Variants in TNXB observed in about 807,000 individuals in gnomAD.
TNXB encodes tenascin-X.
Under a neutral mutation model 340.5 loss-of-function variants are expected in TNXB, and 183 were observed. That is an observed-to-expected ratio of 0.54 (90% CI 0.48 to 0.61). The LOEUF (loss-of-function observed/expected upper bound fraction) is 0.61, where lower values mean the gene tolerates loss of function less well. Ranked by LOEUF, TNXB falls within the 20% of genes least tolerant of loss-of-function variation. The pLI is 0.00. For missense variants in TNXB, 4,613 were observed against 5,446.4 expected, an observed-to-expected ratio of 0.85 and a Z score of 4.82; for synonymous variants, 2,121 against 2,314.5, an observed-to-expected ratio of 0.92 and a Z score of 2.40.
chr6:32,093,378 G>C, intron 4 of TNXB: 1 of 702,156 alleles, frequency 1.4e-6, no homozygotes, highest in Non-Finnish European at 2.6e-6. Flanking sequence ...AAGCTATCTT[G>C]GTTGCGCCAC....
intron 24 of TNXB, among the ~76,000 whole-genome samples, chr6:32,055,109 T>C (rs1777546942): frequency 6.6e-6 from 1 of 152,170 alleles, no homozygotes; most frequent in African/African-American, 2.4e-5. Flanking sequence ...AGATAAGACT[T>C]AGTGAGACGC....
intron 26 of TNXB, among the ~76,000 whole-genome samples, chr6:32,050,925 C>A (rs1256293285): frequency 6.6e-6 from 1 of 152,192 alleles, no homozygotes; most frequent in African/African-American, 2.4e-5. Flanking sequence ...AGATGAGCTT[C>A]ACACAGGCAC....
chr6:32,052,860 G>A lies in TNXB; in HGVS notation c.8925C>T (p.Pro2975=), dbSNP rs1299789494. The part of the protein sequence containing the change: ...PDSLSLSWTI[P]QGRFDSFTVQ... ...CAGTGAAGGAGTCGAAGCGGCCCTGGGGGATGGTCCAGGAGAGGCTCAGCG... is the reference window on the plus strand; with the variant it reads ...CAGTGAAGGAGTCGAAGCGGCCCTGAGGGATGGTCCAGGAGAGGCTCAGCG... The change falls in exon 26 of 44, where the codon CCC becomes CCT. Residue 2975 remains proline, a synonymous_variant. Transcript: ENST00000644971. This position sits in a 1 kb window ranked among gnomAD's most constrained non-coding sequence, Gnocchi z 4.7. 2 of 1,613,236 alleles carry A rather than the reference G, an allele frequency of 1.2e-6. No homozygotes were observed. The highest frequency in any genetic ancestry group is 1.7e-6 in the Non-Finnish European group (2 of 1,179,898).
chr6:32,056,101 C>T lies in TNXB; in HGVS notation c.8217G>A (p.Leu2739=), dbSNP rs765670001. The T allele has an allele frequency of 5.6e-6, 9 of 1,612,708 alleles. No homozygotes were observed. Among genetic ancestry groups the T allele is most frequent in the East Asian group, 2.2e-5 (1 of 44,882 alleles). The change falls in exon 24 of 44, where the codon CTG becomes CTA. Residue 2739 remains leucine, a synonymous_variant. Coordinates refer to ENST00000644971, the MANE Select transcript of TNXB (RefSeq NM_001365276.2). The stretch of plus-strand genomic sequence containing the variant: ...AGGATCCTGTCACTGTCAGCTCCCC[C>T]AGGAGCGGCTCCTCAGGGGGCTCCG... ...EAPEPPEEPL[L]GELTVTGSSP... is the part of the protein sequence containing the mutation.
chr6:32,041,609 C>A, intron 43 of TNXB, 159 bp from the exon 44 acceptor site: 3 of 1,073,896 alleles, frequency 2.8e-6, no homozygotes, highest in East Asian at 2.6e-5. Flanking sequence ...CTGAGCTGGC[C>A]CTTTCCAGCC....
In TNXB at chr6:32,064,857, G is replaced by A. The variant is rs749742731; in HGVS notation, c.6805C>T (p.Gln2269Ter). ...ACAGCAGACACGGGGCCCACGCGCT[G>A]GCCACCGTGGAAGCCGTACAGGTTC... ...KMNLYGFHGG[Q>*]RVGPVSAVGL... The change falls in exon 19 of 44, where the codon CAG (glutamine) becomes TAG (stop). Residue 2269 changes from glutamine to a stop codon, truncating the protein, a stop_gained. Transcript: ENST00000644971. LOFTEE classifies it high-confidence loss of function. The surrounding 1 kb of genome is among the most constrained non-coding windows in gnomAD (Gnocchi z 5.3). 2.4e-5 allele frequency: 39 copies of A among 1,611,306 alleles called. No homozygotes were observed. The highest frequency in any genetic ancestry group is 3.2e-5 in the Non-Finnish European group (38 of 1,179,446).
rs2127248387 is a variant in TNXB at position 32,079,118 on chromosome 6, T to C, written c.4290A>G (p.Leu1430=). The C allele has an allele frequency of 6.2e-7, 1 of 1,613,826 alleles. No individual in the cohort carries two copies. ...GKESEVTVGG[L]EPGHKYKMHL... ...GCATCTTGTACTTGTGCCCGGGCTC[T>C]AGGCCTCCCACGGTGACCTCACTCT... Residue 1430 remains leucine, a synonymous_variant, in exon 11 of 44, where the codon CTA becomes CTG. Coordinates refer to ENST00000644971, the MANE Select transcript of TNXB (RefSeq NM_001365276.2). The surrounding 1 kb of genome is among the most constrained non-coding windows in gnomAD (Gnocchi z 7.1).
Position 32,069,974 on chromosome 6 carries a change from C to A in TNXB, c.5279-113G>T. On this transcript the variant is annotated intron_variant, in intron 14 of 43. Coordinates refer to ENST00000644971, the MANE Select transcript of TNXB (RefSeq NM_001365276.2). This position sits in a 1 kb window ranked among gnomAD's most constrained non-coding sequence, Gnocchi z 6.2. ...AGGGCTTTGCGTGGCTGAGTCCTGC[C>A]GGGCTGTGCTAGGGGCTTGTGCAGG... The A allele has an allele frequency of 7.2e-7, 1 of 1,380,314 alleles. No homozygotes were observed. The highest frequency in any genetic ancestry group is 9.6e-7 in the Non-Finnish European group (1 of 1,039,248). 85.5% of individuals were successfully genotyped at this position (1,380,314 alleles called of 1,614,324 possible).
rs1243239573 is a variant in TNXB, at chr6:32,089,174, A to C, written c.2515+49T>G. 1 of 1,567,946 alleles carries C rather than the reference A, an allele frequency of 6.4e-7. No homozygotes were observed. The highest frequency in any genetic ancestry group is 8.7e-7 in the Non-Finnish European group (1 of 1,156,020). ...CTCCCGGAGGGCAGATTCCCTCTCT[A>C]GTCCAGATCTCCACTCAGGACACCC... On this transcript the variant is annotated intron_variant, in intron 5 of 43. Transcript: ENST00000644971. The surrounding 1 kb of genome is among the most constrained non-coding windows in gnomAD (Gnocchi z 6.2).
chr6:32,056,991 C>G, intron 22 of TNXB, 88 bp from the exon 23 acceptor site: 2 of 1,526,816 alleles, frequency 1.3e-6, no homozygotes, highest in Non-Finnish European at 1.8e-6. Flanking sequence ...ACACAAAGTG[C>G]CCAAGAGCAG....
chr6:32,085,605 T>C lies in TNXB; in HGVS notation c.3148+145A>G. ...TTCCTGCTGAACCTGCAATTCCTTT[T>C]CTCTCCTTTTCTCCTCTATCCAGCC... On this transcript the variant is annotated intron_variant, in intron 7 of 43. Coordinates refer to ENST00000644971, the MANE Select transcript of TNXB (RefSeq NM_001365276.2). This position sits in a 1 kb window ranked among gnomAD's most constrained non-coding sequence, Gnocchi z 6.4. 1 of 927,824 alleles carries C rather than the reference T, an allele frequency of 1.1e-6. No individual in the cohort carries two copies. The highest frequency in any genetic ancestry group is 2.9e-5 in the East Asian group (1 of 33,992). 57.5% of individuals were successfully genotyped at this position (927,824 alleles called of 1,614,324 possible).
intron 1 of TNXB, among the ~76,000 whole-genome samples, chr6:32,098,826 A>C (rs1206020706): frequency 6.6e-6 from 1 of 151,570 alleles, no homozygotes; most frequent in Non-Finnish European, 1.5e-5. Flanking sequence ...AGCTCTCACT[A>C]CTCCAAGGGC....
chr6:32,074,270 C>G lies in TNXB; in HGVS notation c.4376-318G>C, dbSNP rs1055757977. Among the ~76,000 whole-genome samples the G allele has an allele frequency of 6.6e-6, 1 of 152,194 alleles. No homozygotes were observed. Among genetic ancestry groups the G allele is most frequent in the African/African-American group, 2.4e-5 (1 of 41,442 alleles). ...AAACCCCTGACCTCAGGTGATCCAC[C>G]TGCCTCAGCCCCCAAAGTGCTGGGA... On this transcript the variant is annotated intron_variant, in intron 11 of 43. Transcript: ENST00000644971. This position sits in a 1 kb window ranked among gnomAD's most constrained non-coding sequence, Gnocchi z 5.5.
At position 32,046,292 on chromosome 6, in the gene TNXB, C is replaced by G. The variant is rs547169479; in HGVS notation, c.10489G>C (p.Ala3497Pro). Residue 3497 changes from alanine to proline, a missense_variant, in exon 31 of 44, where the codon GCA becomes CCA. Physicochemically the swap from Ala to Pro is conservative, Grantham distance 27. Coordinates refer to ENST00000644971, the MANE Select transcript of TNXB (RefSeq NM_001365276.2). This position sits in a 1 kb window ranked among gnomAD's most constrained non-coding sequence, Gnocchi z 6.9. ...TCTACGGTGACTGTGCGCTGGTCTGCGGCCACAGGCACTGCCCTGGGCTGC... is the reference window on the plus strand; with the variant it reads ...TCTACGGTGACTGTGCGCTGGTCTGGGGCCACAGGCACTGCCCTGGGCTGC... ...DGQPRAVPVA[A>P]DQRTVTVEDL... is the part of the protein sequence containing the mutation. 1 of 1,606,622 alleles carries G rather than the reference C, an allele frequency of 6.2e-7. No homozygotes were observed. The highest frequency in any genetic ancestry group is 2.2e-5 in the East Asian group (1 of 44,886).
rs774168663 is a variant in TNXB at position 32,095,890 on chromosome 6, C to T, written c.1963G>A (p.Asp655Asn). The T allele has an allele frequency of 8.1e-6, 13 of 1,612,742 alleles. No homozygotes were observed. Among genetic ancestry groups the T allele is most frequent in the Non-Finnish European group, 1.1e-5 (13 of 1,179,500 alleles). The change falls in exon 3 of 44, where the codon GAC becomes AAC. Residue 655 changes from aspartate (D) to asparagine (N), a missense_variant. Transcript: ENST00000644971. ...PTCATRMCPA[D>N]CRGRGRCVQG... is the part of the protein sequence containing the mutation. The stretch of plus-strand genomic sequence containing the variant: ...ACACACCGCCCACGTCCCCGGCAGT[C>T]AGCCGGGCACATGCGGGTGGCACAG...
rs2239689 is a variant in TNXB, at chr6:32,062,507, G to A, written c.6842-24C>T. 0.3 allele frequency: 470,467 copies of A among 1,564,790 alleles called. 75,619 individuals are homozygous for A. The highest frequency in any genetic ancestry group is 0.42 in the Admixed American group (22,518 of 53,310). On this transcript the variant is annotated intron_variant, in intron 19 of 43. Transcript: ENST00000644971. The surrounding 1 kb of genome is among the most constrained non-coding windows in gnomAD (Gnocchi z 4.3). ...GGCTGCATCAGAAAATAGAATGGGT[G>A]GGCATGCCTGGTGGGCCTCCTTTTA...
chr6:32,042,283 G>A lies in TNXB; in HGVS notation c.12290C>T (p.Ser4097Phe). The change falls in exon 41 of 44, where the codon TCT becomes TTT. Residue 4097 changes from serine (S) to phenylalanine (F), a missense_variant. Physicochemically the swap from Ser to Phe is radical, Grantham distance 155. Transcript: ENST00000644971. The part of the protein sequence containing the change: ...EDYAHGFGNI[S>F]GEFWLGNEAL... ...GCACTGACCCAGCCAGAACTCTCCA[G>A]AGATGTTCCCAAAACCATGGGCATA... 1.4e-6 allele frequency: 2 copies of A among 1,392,296 alleles called. No homozygotes were observed. Among genetic ancestry groups the A allele is most frequent in the East Asian group, 2.4e-5 (1 of 42,192 alleles). 86.2% of individuals were successfully genotyped at this position (1,392,296 alleles called of 1,614,324 possible).
At position 32,085,571 on chromosome 6, in the gene TNXB, C is replaced by T. The variant is rs762956087; in HGVS notation, c.3148+179G>A. Among the ~76,000 whole-genome samples the T allele has an allele frequency of 1.1e-4, 16 of 152,270 alleles. No homozygotes were observed. The highest frequency in any genetic ancestry group is 1.9e-4 in the East Asian group (1 of 5,184). Reference sequence around the variant, plus strand: ...CTTATCATTGTTTTAAGATCCCCCTCGATCCATCTTCCTGCTGAACCTGCA... The same window carrying T: ...CTTATCATTGTTTTAAGATCCCCCTTGATCCATCTTCCTGCTGAACCTGCA... On this transcript the variant is annotated intron_variant, in intron 7 of 43. Coordinates refer to ENST00000644971, the MANE Select transcript of TNXB (RefSeq NM_001365276.2). The surrounding 1 kb of genome is among the most constrained non-coding windows in gnomAD (Gnocchi z 6.4).
Position 32,067,993 on chromosome 6 carries a change from G to C in TNXB, c.6221-9C>G. On this transcript the variant is annotated splice_polypyrimidine_tract_variant and intron_variant, in intron 17 of 43. Transcript: ENST00000644971. This position sits in a 1 kb window ranked among gnomAD's most constrained non-coding sequence, Gnocchi z 4.2. ...GGTCTCTTCCTCTGCAGCTGAGAAGGAGGAAGAGAGAGTGAGGGGGATGTC... is the reference window on the plus strand; with the variant it reads ...GGTCTCTTCCTCTGCAGCTGAGAAGCAGGAAGAGAGAGTGAGGGGGATGTC... The C allele has an allele frequency of 6.2e-7, 1 of 1,608,290 alleles. No homozygotes were observed. Among genetic ancestry groups the C allele is most frequent in the Non-Finnish European group, 8.5e-7 (1 of 1,176,794 alleles).
Sources: gnomAD v4.1 joint callset for allele counts (sites outside exome capture counted in the v4.1 genomes callset) on GRCh38, gnomAD v4.1.1 for gene constraint, Gnocchi (gnomAD v3.1) non-coding constraint, MANE v1.5 for transcripts, NCBI Gene and HGNC (gene_info 2026-07-23, HGNC 2026-07-21) for gene names.